Variants in ADAMTS19 observed in about 807,000 individuals in gnomAD.
ADAMTS19 encodes the protein ADAM metallopeptidase with thrombospondin type 1 motif 19.
A neutral mutation model predicts 153.3 loss-of-function variants in ADAMTS19; 93 were observed. The observed-to-expected ratio is 0.61, with a 90% CI of 0.51 to 0.72. The LOEUF (loss-of-function observed/expected upper bound fraction) is 0.72. ADAMTS19 is among the 30% of genes least tolerant of loss of function. The probability of loss-of-function intolerance (pLI) is 0.00; values close to 1 mark genes in which losing one functional copy is unlikely to be tolerated. For missense variants in ADAMTS19, 1,482 were observed against 1,552.1 expected, an observed-to-expected ratio of 0.95 and a Z score of 0.76; for synonymous variants, 600 against 556.6, an observed-to-expected ratio of 1.08 and a Z score of -1.10.
chr5:129,549,494 T>C (rs1371147173), intron 6 of ADAMTS19, among the ~76,000 whole-genome samples: 1 of 151,574 alleles, frequency 6.6e-6, no homozygotes, highest in African/African-American at 2.4e-5. Context: ...ATAATAAAAA[T>C]AATAGTTCAA....
intron 6 of ADAMTS19, among the ~76,000 whole-genome samples, chr5:129,551,654 G>A (rs529672229): frequency 4.7e-4 from 71 of 151,740 alleles, no homozygotes; most frequent in African/African-American, 1.7e-3. Flanking sequence ...ACTGTCTAAT[G>A]TCTGAGGATT....
intron 2 of ADAMTS19, among the ~76,000 whole-genome samples, chr5:129,462,531 G>C (rs990418586): frequency 1.3e-5 from 2 of 151,866 alleles, no homozygotes; most frequent in East Asian, 3.9e-4. Context: ...TGTCAATGTA[G>C]AACATCATTT....
intron 18 of ADAMTS19, among the ~76,000 whole-genome samples, chr5:129,685,243 G>A (rs1313367240): frequency 2.0e-5 from 3 of 151,976 alleles, no homozygotes; most frequent in Non-Finnish European, 4.4e-5. Flanking sequence ...TTTATCTGTA[G>A]ACTAATATTG....
intron 3 of ADAMTS19, among the ~76,000 whole-genome samples, chr5:129,511,594 T>C (rs1751439557): frequency 6.6e-6 from 1 of 151,396 alleles, no homozygotes; most frequent in African/African-American, 2.4e-5. Flanking sequence ...TACACCATAG[T>C]GTGATAAGAA....
chr5:129,696,746 T>G (rs578236508), intron 19 of ADAMTS19, among the ~76,000 whole-genome samples: 2 of 152,306 alleles, frequency 1.3e-5, no homozygotes, highest in Non-Finnish European at 2.9e-5. Flanking sequence ...AAAGGTGGAT[T>G]CAAAGACTTT....
intron 3 of ADAMTS19, among the ~76,000 whole-genome samples, chr5:129,520,246 G>A (rs773521090): frequency 2.6e-5 from 4 of 151,962 alleles, no homozygotes; most frequent in Non-Finnish European, 4.4e-5. Flanking sequence ...AGTGCCTTAG[G>A]GAAGTCCTTC....
At chr5:129,696,980 C>A (rs1755586810) in intron 19 of ADAMTS19, among the ~76,000 whole-genome samples, 1 of 152,076 alleles carries the variant, frequency 6.6e-6, no homozygotes, top group African/African-American at 2.4e-5. Context: ...CAGCAAAAGA[C>A]CTGGAAAGGG....
chr5:129,632,356 TATAG>T (rs1177305034), intron 10 of ADAMTS19, among the ~76,000 whole-genome samples: 2 of 151,916 alleles, frequency 1.3e-5, no homozygotes, highest in African/African-American at 2.4e-5. Flanking sequence ...GATATATATA[TATAG>T]ATATAGATAT....
intron 2 of ADAMTS19, among the ~76,000 whole-genome samples, chr5:129,468,940 C>G (rs1332429241): frequency 6.6e-6 from 1 of 152,002 alleles, no homozygotes; most frequent in African/African-American, 2.4e-5. Flanking sequence ...CCACACCCAG[C>G]TAATTTTTGT....
At chr5:129,626,572 C>G (rs758453981) in intron 10 of ADAMTS19, among the ~76,000 whole-genome samples, 1 of 152,054 alleles carries the variant, frequency 6.6e-6, no homozygotes, top group Admixed American at 6.6e-5. Flanking sequence ...TTTCTCTCCA[C>G]TCTTATACTC....
At chr5:129,623,901 A>G (rs1331612951) in intron 10 of ADAMTS19, among the ~76,000 whole-genome samples, 1 of 151,822 alleles carries the variant, frequency 6.6e-6, no homozygotes, top group Non-Finnish European at 1.5e-5. Flanking sequence ...CGGGCGGATC[A>G]CGAGGTCAGG....
Position 129,483,418 on chromosome 5 carries a change from G to T in ADAMTS19, c.747+21661G>T, listed in dbSNP as rs186306874. ...TCAACCTAAGTACTAATAATATTTT[G>T]GGGCAGGATAATTGTTGTAGGGGGC... is the stretch of plus-strand genomic sequence containing the variant. On this transcript the variant is annotated intron_variant, in intron 2 of 22. Coordinates refer to ENST00000274487, the MANE Select transcript of ADAMTS19 (RefSeq NM_133638.6). 3.9e-4 allele frequency among the ~76,000 whole-genome samples: 60 copies of T among 152,216 alleles called. No individual in the cohort carries two copies. In the East Asian group the frequency reaches 0.012, roughly 29 times the overall value.
In ADAMTS19 at chr5:129,682,593, A is replaced by G. The variant is rs115604010; in HGVS notation, c.2665-1527A>G. ...TGTTCATCCCATTCATTTAAAAACTATGTATTAATAATAGTCTGGGTATAG... is the reference window on the plus strand; with the variant it reads ...TGTTCATCCCATTCATTTAAAAACTGTGTATTAATAATAGTCTGGGTATAG... On this transcript the variant is annotated intron_variant, in intron 17 of 22. Transcript: ENST00000274487. Among the ~76,000 whole-genome samples the G allele has an allele frequency of 3.7e-3, 561 of 152,248 alleles. 4 individuals are homozygous for G. Among genetic ancestry groups the G allele is most frequent in the African/African-American group, 0.013 (536 of 41,504 alleles).
At chr5:129,547,757 C>T (rs1326433566) in intron 6 of ADAMTS19, among the ~76,000 whole-genome samples, 1 of 150,614 alleles carries the variant, frequency 6.6e-6, no homozygotes, top group Non-Finnish European at 1.5e-5. Context: ...AGGCATCACA[C>T]TACCTGACTT....
rs775065663 is a variant in ADAMTS19, at chr5:129,526,308, A to G, written c.938A>G (p.Lys313Arg). The G allele has an allele frequency of 5.7e-6, 9 of 1,592,108 alleles. No individual in the cohort carries two copies. In the Admixed American group the frequency reaches 1.6e-4, roughly 29 times the overall value. ...GATAAAGGAAGACCTAGGTCTAGAAAAATAGCAGAAAGTGGAAGAGGGAAA... is the reference window on the plus strand; with the variant it reads ...GATAAAGGAAGACCTAGGTCTAGAAGAATAGCAGAAAGTGGAAGAGGGAAA... ...ISDKGRPRSR[K>R]IAESGRGKRY... The change falls in exon 4 of 23, where the codon AAA becomes AGA. Residue 313 changes from lysine (K) to arginine (R), a missense_variant. By Grantham distance (26) the Lys-to-Arg change is conservative (BLOSUM62 2). Coordinates refer to ENST00000274487, the MANE Select transcript of ADAMTS19 (RefSeq NM_133638.6).
At chr5:129,584,097 G>A (rs1396522427) in intron 7 of ADAMTS19, among the ~76,000 whole-genome samples, 1 of 151,954 alleles carries the variant, frequency 6.6e-6, no homozygotes, top group Non-Finnish European at 1.5e-5. Context: ...TGGGGTCTCT[G>A]ACTGGATGTG....
chr5:129,684,066 A>C, intron 17 of ADAMTS19, 54 bp from the exon 18 acceptor site: 1 of 1,526,130 alleles, frequency 6.6e-7, no homozygotes, highest in Non-Finnish European at 8.9e-7. Context: ...TATGCTTTAC[A>C]TTGCACGTGC....
At chr5:129,469,611 A>G (rs1314786673) in intron 2 of ADAMTS19, among the ~76,000 whole-genome samples, 2 of 152,186 alleles carry the variant, frequency 1.3e-5, no homozygotes, top group African/African-American at 4.8e-5. Context: ...AGAACTTAGA[A>G]CTCTCTAGAT....
chr5:129,525,605 A>T (rs1751979635), intron 3 of ADAMTS19, among the ~76,000 whole-genome samples: 1 of 152,014 alleles, frequency 6.6e-6, no homozygotes. Context: ...GTTTTAATAG[A>T]ACATTAAACA....
Sources: allele counts gnomAD v4.1 joint callset (sites outside exome capture counted in the v4.1 genomes callset), GRCh38; gene constraint gnomAD v4.1.1; transcripts MANE v1.5; gene names NCBI Gene and HGNC (gene_info 2026-07-23, HGNC 2026-07-21).